Variants in DNAH3 observed in about 807,000 individuals in gnomAD.
DNAH3 encodes the protein axonemal beta dynein heavy chain 3.
DNAH3 carries 332 observed loss-of-function variants against 432.5 expected under a neutral mutation model. The observed-to-expected ratio is 0.77, with a 90% CI of 0.70 to 0.84. DNAH3 has a LOEUF of 0.84. DNAH3 is among the 40% of genes least tolerant of loss of function. DNAH3 has a pLI of 0.00. For synonymous variants in DNAH3, 1,956 were observed against 1,900.2 expected, an observed-to-expected ratio of 1.03 and a Z score of -0.76; for missense variants, 4,861 against 5,114.0, an observed-to-expected ratio of 0.95 and a Z score of 1.51.
intron 51 of DNAH3, among the ~76,000 whole-genome samples, chr16:20,972,039 A>G (rs1455274203): frequency 6.6e-6 from 1 of 152,150 alleles, no homozygotes; most frequent in Non-Finnish European, 1.5e-5. Context: ...CATGCGCCTC[A>G]GGGGCCAGGC....
intron 31 of DNAH3, among the ~76,000 whole-genome samples, chr16:21,047,470 G>T (rs1447849832): frequency 6.6e-6 from 1 of 152,034 alleles, no homozygotes; most frequent in Non-Finnish European, 1.5e-5. Flanking sequence ...GATCGCACCG[G>T]CTCCTGAGGC....
chr16:21,077,167 A>T (rs1567749976), intron 20 of DNAH3, among the ~76,000 whole-genome samples: 1 of 150,786 alleles, frequency 6.6e-6, no homozygotes, highest in African/African-American at 2.4e-5. Flanking sequence ...GATTTCTTTT[A>T]TTTTTTTTTC....
intron 44 of DNAH3, among the ~76,000 whole-genome samples, chr16:20,989,563 G>C (rs1054138023): frequency 6.6e-6 from 1 of 152,254 alleles, no homozygotes; most frequent in African/African-American, 2.4e-5. Context: ...CCAGACTCAG[G>C]AGCCCAGCTG....
At chr16:20,943,420 CCTT>C (rs1381299668) in intron 58 of DNAH3, among the ~76,000 whole-genome samples, 1 of 151,944 alleles carries the variant, frequency 6.6e-6, no homozygotes, top group African/African-American at 2.4e-5. Flanking sequence ...GATGCGGTCT[CCTT>C]ATGTTGCCCA....
chr16:20,958,364 A>G (rs1010599256), intron 54 of DNAH3, among the ~76,000 whole-genome samples: 1 of 152,112 alleles, frequency 6.6e-6, no homozygotes, highest in Non-Finnish European at 1.5e-5. Flanking sequence ...GTGAGCCACC[A>G]TGCCTGGACA....
At chr16:21,031,244 T>C (rs1184180949) in exon 37 of DNAH3, 26 of 1,613,910 alleles carry the variant, frequency 1.6e-5, no homozygotes, top group Non-Finnish European at 2.2e-5. Context: ...AGCCTTGGGG[T>C]TGATGATCTT....
intron 35 of DNAH3, among the ~76,000 whole-genome samples, chr16:21,036,425 T>C (rs1482599924): frequency 6.6e-6 from 1 of 152,162 alleles, no homozygotes; most frequent in African/African-American, 2.4e-5. Context: ...CTTTCTTCTT[T>C]TTTTTAAGAG....
intron 23 of DNAH3, among the ~76,000 whole-genome samples, chr16:21,068,325 TGGG>T (rs10547729): frequency 1.3e-5 from 1 of 76,606 alleles, no homozygotes; most frequent in South Asian, 5.1e-4. Context: ...TTTTTTTGGG[TGGG>T]GGGGGGGACA....
Position 20,959,610 on chromosome 16 carries a change from A to AACACACAC in DNAH3, c.10601-214_10601-207dup, listed in dbSNP as rs55757849. 2.5e-3 allele frequency among the ~76,000 whole-genome samples: 346 copies of AACACACAC among 137,630 alleles called. 1 individual carries two copies. The highest frequency in any genetic ancestry group is 4.7e-3 in the African/African-American group (171 of 36,510). 90.3% of individuals were successfully genotyped at this position (137,630 alleles called of 152,430 possible). On this transcript the variant is annotated intron_variant, in intron 53 of 61. Transcript: ENST00000261383. ...CACAGTGAGACCTTGTCTCTATTTA[A>AACACACAC]ACACACACACACACACACACACACA...
chr16:20,957,913 T>C (rs367937216), intron 54 of DNAH3, among the ~76,000 whole-genome samples: 43 of 150,992 alleles, frequency 2.8e-4, no homozygotes, highest in African/African-American at 1.0e-3. Context: ...CTCATTATTT[T>C]ATGAATGCAA....
chr16:21,086,876 TG>T lies in DNAH3; in HGVS notation c.2849del (p.Pro950GlnfsTer3). On this transcript the variant is annotated frameshift_variant, in exon 19 of 62. Transcript: ENST00000261383. LOFTEE classifies it high-confidence loss of function. ...GCTGCCAGTGTCGGTCTTTCATTCCTGGGTTGCAGGAAATACTGAGGATGGG... is the reference window on the plus strand; with the variant it reads ...GCTGCCAGTGTCGGTCTTTCATTCCTGGTTGCAGGAAATACTGAGGATGGG... 1 of 1,614,194 alleles carries T rather than the reference TG, an allele frequency of 6.2e-7. No homozygotes were observed. The highest frequency in any genetic ancestry group is 8.5e-7 in the Non-Finnish European group (1 of 1,179,994).
Position 21,153,967 on chromosome 16 carries a change from C to G in DNAH3, c.117+5358G>C, listed in dbSNP as rs540119601. Among the ~76,000 whole-genome samples, 30 of 152,298 alleles carry G rather than the reference C, an allele frequency of 2.0e-4. No individual in the cohort carries two copies. In the South Asian group the frequency reaches 6.0e-3, roughly 31 times the overall value. On this transcript the variant is annotated intron_variant, in intron 1 of 61. Coordinates refer to ENST00000261383, the Ensembl canonical transcript of DNAH3. ...TTATCACAAAGTATACATACGGTTT[C>G]AAATAGCATTTGGAATAATTGAGAC...
At chr16:20,985,383 G>A (rs771844759) in exon 48 of DNAH3, 12 of 1,613,994 alleles carry the variant, frequency 7.4e-6, no homozygotes, top group Admixed American at 1.7e-5. Flanking sequence ...GGTATAGCTC[G>A]TATGCGTTCA....
intron 41 of DNAH3, among the ~76,000 whole-genome samples, chr16:21,011,845 A>G (rs1039644415): frequency 1.3e-5 from 2 of 152,230 alleles, no homozygotes; most frequent in African/African-American, 4.8e-5. Context: ...TGATGATGAT[A>G]ATAGCAATAA....
At chr16:21,031,413 T>C in intron 36 of DNAH3, 127 bp from the exon 37 acceptor site, 1 of 1,205,808 alleles carries the variant, frequency 8.3e-7, no homozygotes, top group South Asian at 1.5e-5. Context: ...GTCCTTCTTA[T>C]AAAACATGTG....
chr16:21,027,339 G>T (rs2088621950), intron 37 of DNAH3, among the ~76,000 whole-genome samples: 1 of 152,148 alleles, frequency 6.6e-6, no homozygotes, highest in Non-Finnish European at 1.5e-5. Context: ...ATTCTTCTGG[G>T]AGATGACAGA....
intron 40 of DNAH3, among the ~76,000 whole-genome samples, chr16:21,020,348 G>GTGTGTGTATATATATATATATATA: frequency 1.4e-3 from 94 of 69,122 alleles, no homozygotes; most frequent in African/African-American, 1.8e-3. Context: ...TATAGTGTGT[G>GTGTGTGTATATATATATATATATA]TATATATATA....
intron 31 of DNAH3, among the ~76,000 whole-genome samples, chr16:21,046,976 TTTTC>T (rs1163214914): frequency 2.0e-5 from 3 of 150,040 alleles, no homozygotes; most frequent in Non-Finnish European, 4.5e-5. Context: ...TTGAAAATTC[TTTTC>T]TTTAAGAATG....
chr16:20,946,368 G>A (rs2084044057), intron 57 of DNAH3, among the ~76,000 whole-genome samples: 1 of 152,060 alleles, frequency 6.6e-6, no homozygotes, highest in Non-Finnish European at 1.5e-5. Context: ...CCGTCTTTCT[G>A]GACTGAACCA....
Sources: allele counts gnomAD v4.1 joint callset (sites outside exome capture counted in the v4.1 genomes callset), GRCh38; gene constraint gnomAD v4.1.1; transcripts MANE v1.5; gene names NCBI Gene and HGNC (gene_info 2026-07-23, HGNC 2026-07-21).